The following RNLS variants were observed in gnomAD, a reference collection of about 807,000 sequenced individuals.
The protein encoded by RNLS is renalase.
RNLS carries 39 observed loss-of-function variants against 39.8 expected under a neutral mutation model. The ratio of observed to expected loss-of-function variants is 0.98; its 90% CI spans 0.76 to 1.28. RNLS has a LOEUF of 1.28. Ranked by LOEUF, RNLS falls within the 50% of genes most tolerant of loss-of-function variation. The pLI, the probability that RNLS is intolerant of heterozygous loss-of-function variation, is 0.00. For synonymous variants in RNLS, 147 were observed against 150.7 expected (o/e 0.98, Z 0.18); for missense variants, 410 against 413.3 (o/e 0.99, Z 0.07).
intron 5 of RNLS, among the ~76,000 whole-genome samples, chr10:88,319,706 G>C (rs1307228368): frequency 6.6e-6 from 1 of 151,708 alleles, no homozygotes. Context: ...CTTGAAATGT[G>C]GTCTTTCAAA....
chr10:88,180,645 C>T, the RNLS span, among the ~76,000 whole-genome samples: 1 of 152,152 alleles, frequency 6.6e-6, no homozygotes, highest in East Asian at 1.9e-4. Flanking sequence ...ATATGTTAAT[C>T]TAAAAGTATT....
intron 4 of RNLS, among the ~76,000 whole-genome samples, chr10:88,428,478 C>T (rs1348914219): frequency 6.6e-6 from 1 of 151,988 alleles, no homozygotes; most frequent in Non-Finnish European, 1.5e-5. Flanking sequence ...CAACCGAAGA[C>T]TAATCTGACT....
intron 4 of RNLS, among the ~76,000 whole-genome samples, chr10:88,408,892 A>G (rs1853470036): frequency 6.6e-6 from 1 of 152,106 alleles, no homozygotes; most frequent in African/African-American, 2.4e-5. Context: ...ATATTTCTCT[A>G]TGAAAAGTTA....
chr10:88,314,124 T>C (rs914902542), intron 6 of RNLS, among the ~76,000 whole-genome samples: 4 of 152,148 alleles, frequency 2.6e-5, no homozygotes, highest in African/African-American at 7.2e-5. Flanking sequence ...TTTCTAAATA[T>C]CCACAGTACT....
intron 5 of RNLS, among the ~76,000 whole-genome samples, chr10:88,349,584 T>G (rs1848535307): frequency 6.6e-6 from 1 of 152,150 alleles, no homozygotes; most frequent in Non-Finnish European, 1.5e-5. Flanking sequence ...ATTATAGGCA[T>G]GAGCAAGTGA....
intron 4 of RNLS, among the ~76,000 whole-genome samples, chr10:88,385,100 T>C (rs1851781969): frequency 6.6e-6 from 1 of 152,232 alleles, no homozygotes; most frequent in Admixed American, 6.5e-5. Flanking sequence ...AAGCCTGATT[T>C]AAGAATGAGC....
intron 4 of RNLS, among the ~76,000 whole-genome samples, chr10:88,570,266 G>T (rs1360171988): frequency 6.6e-6 from 1 of 152,106 alleles, no homozygotes; most frequent in African/African-American, 2.4e-5. Flanking sequence ...TCAATATAGA[G>T]TTTTTCTTTC....
the RNLS span, among the ~76,000 whole-genome samples, chr10:88,241,122 T>C: frequency 6.6e-6 from 1 of 151,860 alleles, no homozygotes; most frequent in African/African-American, 2.4e-5. Context: ...TATGTGAGGT[T>C]GATTCTCATT....
chr10:88,367,722 G>A (rs1022342827), intron 4 of RNLS, among the ~76,000 whole-genome samples: 4 of 152,116 alleles, frequency 2.6e-5, no homozygotes, highest in African/African-American at 9.7e-5. Flanking sequence ...CTGGGATGTA[G>A]AGATACTATT....
intron 6 of RNLS, among the ~76,000 whole-genome samples, chr10:88,300,690 T>C (rs1191222804): frequency 6.6e-6 from 1 of 152,224 alleles, no homozygotes; most frequent in Non-Finnish European, 1.5e-5. Flanking sequence ...TGGAAAACTC[T>C]TTAAAGGAAG....
intron 4 of RNLS, among the ~76,000 whole-genome samples, chr10:88,553,683 T>C (rs946820340): frequency 6.6e-6 from 1 of 152,326 alleles, no homozygotes; most frequent in Admixed American, 6.5e-5. Context: ...TTTTTTCTTT[T>C]ATGAATTTCG....
the RNLS span, among the ~76,000 whole-genome samples, chr10:88,258,520 T>C: frequency 1.3e-5 from 2 of 152,276 alleles, no homozygotes; most frequent in African/African-American, 4.8e-5. Flanking sequence ...AGGACTGTTG[T>C]GGGAAATATG....
At chr10:88,524,670 C>T (rs1030012296) in intron 4 of RNLS, among the ~76,000 whole-genome samples, 5 of 151,782 alleles carry the variant, frequency 3.3e-5, no homozygotes, top group South Asian at 2.1e-4. Flanking sequence ...CTATGTCTAC[C>T]ATGTCAGACA....
chr10:88,540,027 A>G (rs1021456185), intron 4 of RNLS, among the ~76,000 whole-genome samples: 1 of 152,156 alleles, frequency 6.6e-6, no homozygotes, highest in African/African-American at 2.4e-5. Context: ...TAAAAGTTAT[A>G]TTGTGGTAAA....
intron 4 of RNLS, among the ~76,000 whole-genome samples, chr10:88,539,928 T>C (rs1847956200): frequency 6.6e-6 from 1 of 152,076 alleles, no homozygotes; most frequent in Non-Finnish European, 1.5e-5. Context: ...CAAGATACTA[T>C]GCTATCACTT....
intron 5 of RNLS, among the ~76,000 whole-genome samples, chr10:88,355,488 G>A (rs1016107077): frequency 5.3e-5 from 8 of 152,036 alleles, no homozygotes; most frequent in South Asian, 2.1e-4. Context: ...ACTCCAGACC[G>A]TTTGCCTGGG....
chr10:88,577,257 G>C (rs1850264958), intron 3 of RNLS, among the ~76,000 whole-genome samples: 1 of 152,126 alleles, frequency 6.6e-6, no homozygotes, highest in African/African-American at 2.4e-5. Context: ...GCACCAGGTG[G>C]GATGGGTACA....
intron 4 of RNLS, among the ~76,000 whole-genome samples, chr10:88,388,145 C>T (rs563295143): frequency 1.3e-5 from 2 of 152,284 alleles, no homozygotes; most frequent in East Asian, 3.9e-4. Flanking sequence ...ACCATTCACC[C>T]AGTTGCTCAA....
At chr10:88,527,195 C>T (rs532971152) in intron 4 of RNLS, among the ~76,000 whole-genome samples, 23 of 152,244 alleles carry the variant, frequency 1.5e-4, no homozygotes, top group Admixed American at 7.9e-4. Flanking sequence ...GAGGCACTCT[C>T]GCCTCCCCAG....
Sources: allele counts gnomAD v4.1 joint callset (sites outside exome capture counted in the v4.1 genomes callset), GRCh38; gene constraint gnomAD v4.1.1; transcripts MANE v1.5; gene names NCBI Gene and HGNC (gene_info 2026-07-23, HGNC 2026-07-21).